The following SEC24A variants were observed in gnomAD, a reference collection of about 807,000 sequenced individuals.
SEC24A encodes the protein SEC24 homolog A, COPII component.
In SEC24A, 93 loss-of-function variants were observed where a neutral mutation model predicts 129.4. The observed-to-expected ratio is 0.72, with a 90% CI of 0.61 to 0.85. The LOEUF is 0.85. Among genes scored for constraint, SEC24A ranks in the 40% least tolerant of loss-of-function variants. The pLI, the probability that SEC24A is intolerant of heterozygous loss-of-function variation, is 0.00. For synonymous variants in SEC24A, 460 were observed against 467.3 expected (o/e 0.98, Z 0.20); for missense variants, 1,264 against 1,307.4 (o/e 0.97, Z 0.51).
chr5:134,697,838 T>C, intron 14 of SEC24A, 61 bp from the exon 15 acceptor site: 1 of 1,456,284 alleles, frequency 6.9e-7, no homozygotes, highest in Admixed American at 2.1e-5. Context: ...TGTCTTTAGT[T>C]ACTTTGGTGT....
chr5:134,696,794 G>A (rs774258874), intron 13 of SEC24A, among the ~76,000 whole-genome samples: 4 of 151,174 alleles, frequency 2.6e-5, no homozygotes, highest in East Asian at 1.9e-4. Context: ...CACCGCACCC[G>A]GCCATTTTTT....
intron 7 of SEC24A, among the ~76,000 whole-genome samples, chr5:134,679,305 C>T (rs535487943): frequency 3.9e-5 from 6 of 152,022 alleles, no homozygotes; most frequent in Non-Finnish European, 5.9e-5. Flanking sequence ...GCAATCCTTC[C>T]GCCTTGGCTC....
In SEC24A at chr5:134,648,978, A is replaced by C; in HGVS notation, c.-99A>C. On this transcript the variant is annotated 5_prime_UTR_variant, in exon 1 of 23. Coordinates refer to ENST00000398844, the MANE Select transcript of SEC24A (RefSeq NM_021982.3). ...CCCTCTTCTCCCAGTCTTCAGTCTT[A>C]AGTCGTTAGCCTCCTCCCTCCGCTT... 1 of 823,502 alleles carries C rather than the reference A, an allele frequency of 1.2e-6. No individual in the cohort carries two copies. The highest frequency in any genetic ancestry group is 1.7e-5 in the South Asian group (1 of 60,068). 51.0% of individuals were successfully genotyped at this position (823,502 alleles called of 1,614,324 possible). A position where few individuals can be genotyped will look rare whatever the true frequency, so the allele number is the denominator to read the frequency against.
chr5:134,652,344 A>C lies in SEC24A; in HGVS notation c.97+3171A>C, dbSNP rs138677731. On this transcript the variant is annotated intron_variant, in intron 1 of 22. Coordinates refer to ENST00000398844, the MANE Select transcript of SEC24A (RefSeq NM_021982.3). ...TTCTCTATTGCCCAGGCTGGAGTGC[A>C]GTGGCGTGATCTTGGCTCACTGCAA... is the stretch of plus-strand genomic sequence containing the variant. Among the ~76,000 whole-genome samples, 144 of 151,934 alleles carry C rather than the reference A, an allele frequency of 9.5e-4. 2 individuals carry two copies. Among genetic ancestry groups the C allele is most frequent in the African/African-American group, 3.0e-3 (124 of 41,458 alleles).
chr5:134,688,393 C>A, intron 11 of SEC24A, 94 bp downstream of exon 11: 1 of 743,798 alleles, frequency 1.3e-6, no homozygotes, highest in South Asian at 1.6e-5. Context: ...TGTAGTATGT[C>A]AAGGAAAATC....
intron 6 of SEC24A, among the ~76,000 whole-genome samples, chr5:134,675,480 T>A (rs542460055): frequency 2.0e-5 from 3 of 152,342 alleles, no homozygotes; most frequent in Admixed American, 2.0e-4. Context: ...GTGGTTACTT[T>A]CTTTCTTCAA....
chr5:134,705,090 A>ATATATATATATATTTT (rs1180461537), intron 16 of SEC24A, among the ~76,000 whole-genome samples: 16 of 123,298 alleles, frequency 1.3e-4, no homozygotes, highest in African/African-American at 4.5e-4. Context: ...ATATATATAT[A>ATATATATATATATTTT]TTTTTTTTTT....
intron 20 of SEC24A, among the ~76,000 whole-genome samples, chr5:134,720,493 A>C (rs1037788008): frequency 6.6e-6 from 1 of 152,134 alleles, no homozygotes; most frequent in African/African-American, 2.4e-5. Flanking sequence ...TTTCCCCTCC[A>C]TATCTTCCTT....
intron 15 of SEC24A, among the ~76,000 whole-genome samples, chr5:134,702,946 G>A (rs1752046019): frequency 2.0e-5 from 3 of 152,050 alleles, no homozygotes; most frequent in South Asian, 4.2e-4. Flanking sequence ...TGTATTTTTA[G>A]TAGAGACAGG....
At chr5:134,712,789 T>C (rs113602757) in intron 18 of SEC24A, among the ~76,000 whole-genome samples, 100 of 151,408 alleles carry the variant, frequency 6.6e-4, no homozygotes, top group African/African-American at 2.2e-3. Context: ...TGGCTAATTT[T>C]TTGTATTTTT....
chr5:134,649,533 TG>T (rs1749978466), intron 1 of SEC24A, among the ~76,000 whole-genome samples: 1 of 152,108 alleles, frequency 6.6e-6, no homozygotes, highest in Non-Finnish European at 1.5e-5. Flanking sequence ...GAGCAGGATG[TG>T]GGGTCTGATT....
At chr5:134,671,126 C>T (rs1009413666) in intron 3 of SEC24A, among the ~76,000 whole-genome samples, 10 of 152,112 alleles carry the variant, frequency 6.6e-5, no homozygotes, top group Non-Finnish European at 1.2e-4. Context: ...CTCACAGCAA[C>T]CTCTGCCTCT....
At chr5:134,709,104 T>C (rs1580733735) in intron 18 of SEC24A, among the ~76,000 whole-genome samples, 2 of 151,972 alleles carry the variant, frequency 1.3e-5, no homozygotes, top group East Asian at 3.9e-4. Flanking sequence ...CCCAGCTACT[T>C]GGGATGCTGA....
At chr5:134,712,305 T>A (rs533009171) in intron 18 of SEC24A, among the ~76,000 whole-genome samples, 23 of 151,540 alleles carry the variant, frequency 1.5e-4, no homozygotes, top group African/African-American at 5.6e-4. Context: ...GGCTGGAGTG[T>A]AGTGACGTGA....
intron 6 of SEC24A, 31 bp from the exon 7 acceptor site, chr5:134,675,992 C>A: frequency 2.1e-6 from 3 of 1,433,470 alleles, no homozygotes; most frequent in Non-Finnish European, 2.9e-6. Context: ...ATCATAGCAG[C>A]AACTGATACA....
At chr5:134,682,798 C>A (rs1751321319) in intron 9 of SEC24A, among the ~76,000 whole-genome samples, 1 of 152,122 alleles carries the variant, frequency 6.6e-6, no homozygotes, top group Non-Finnish European at 1.5e-5. Flanking sequence ...AATTCCTGGG[C>A]TCGAGTGATC....
chr5:134,705,832 A>T lies in SEC24A; in HGVS notation c.2551+395A>T, dbSNP rs117512090. On this transcript the variant is annotated intron_variant, in intron 17 of 22. Coordinates refer to ENST00000398844, the MANE Select transcript of SEC24A (RefSeq NM_021982.3). ...CTTACTGGCCTTAAGTAACCACTAA[A>T]CTACTTTCTGTCTCTATATATTTAT... Among the ~76,000 whole-genome samples, 828 of 151,498 alleles carry T rather than the reference A, an allele frequency of 5.5e-3. 4 individuals are homozygous for T. Among genetic ancestry groups the T allele is most frequent in the Middle Eastern group, 0.041 (12 of 290 alleles).
chr5:134,662,430 A>G (rs1001698359), intron 2 of SEC24A, among the ~76,000 whole-genome samples: 3 of 152,180 alleles, frequency 2.0e-5, no homozygotes, highest in African/African-American at 4.8e-5. Context: ...CTGTGATTAC[A>G]GGTGTGAGCC....
At chr5:134,688,661 A>G (rs1751531393) in intron 11 of SEC24A, among the ~76,000 whole-genome samples, 1 of 147,956 alleles carries the variant, frequency 6.8e-6, no homozygotes, top group South Asian at 2.1e-4. Context: ...ATATATAGTC[A>G]ATTGATTTTA....
Sources: allele counts gnomAD v4.1 joint callset (sites outside exome capture counted in the v4.1 genomes callset), GRCh38; gene constraint gnomAD v4.1.1; transcripts MANE v1.5; gene names NCBI Gene and HGNC (gene_info 2026-07-23, HGNC 2026-07-21).